The following ANKRD35 variants were observed in gnomAD, a reference collection of about 807,000 sequenced individuals.
ANKRD35 encodes the protein ankyrin repeat domain-containing protein 35.
In ANKRD35, 102 loss-of-function variants were observed where a neutral mutation model predicts 109.9. That is an observed-to-expected ratio of 0.93 (90% confidence interval 0.79 to 1.09). ANKRD35 has a LOEUF of 1.09. Among genes scored for constraint, ANKRD35 ranks in the 50% least tolerant of loss-of-function variants. The pLI is 0.00. For synonymous variants in ANKRD35, 515 were observed against 512.4 expected (o/e 1.01, Z -0.07); for missense variants, 1,240 against 1,230.1 (o/e 1.01, Z -0.12).
Position 145,872,536 on chromosome 1 carries a change from G to C in ANKRD35, c.2233C>G (p.Gln745Glu). The C allele has an allele frequency of 6.2e-7, 1 of 1,606,828 alleles. No individual in the cohort carries two copies. Among genetic ancestry groups the C allele is most frequent in the Non-Finnish European group, 8.5e-7 (1 of 1,176,594 alleles). Residue 745 changes from glutamine (Q) to glutamate (E), a missense_variant, in exon 10 of 14, where the codon CAG (glutamine) becomes GAG (glutamate). By Grantham distance (29) the Gln-to-Glu change is conservative. Coordinates refer to ENST00000355594, the MANE Select transcript of ANKRD35 (RefSeq NM_144698.5). ...TLVDRHREAQ[Q>E]VLARLQEENQ... is the part of the protein sequence containing the mutation. ...TCTTCTTGCAGCCGAGCCAGCACCT[G>C]CTGGGCCTCCCGGTGCCGATCCACC...
At chr1:145,871,625 A>G (rs1653821779) in intron 10 of ANKRD35, among the ~76,000 whole-genome samples, 1 of 152,080 alleles carries the variant, frequency 6.6e-6, no homozygotes, top group Non-Finnish European at 1.5e-5. Flanking sequence ...AACCACAGCA[A>G]CCCATCATGC....
chr1:145,879,330 A>G lies in ANKRD35; in HGVS notation c.98T>C (p.Val33Ala), dbSNP rs893779352. The G allele has an allele frequency of 5.0e-6, 8 of 1,610,788 alleles. No individual in the cohort carries two copies. The highest frequency in any genetic ancestry group is 5.9e-6 in the Non-Finnish European group (7 of 1,178,690). The change falls in exon 2 of 14, where the codon GTG becomes GCG. Residue 33 changes from valine to alanine, a missense_variant. Physicochemically the swap from Val to Ala is moderately conservative, Grantham distance 64. Transcript: ENST00000355594. The part of the protein sequence containing the change: ...KLLEAVHRGD[V>A]GRVAALASRK... Reference sequence around the variant, plus strand: ...GGAGGCCAGGGCAGCCACGCGTCCCACATCCCCCCTGTGCACTGCCTCCAG... The same window carrying G: ...GGAGGCCAGGGCAGCCACGCGTCCCGCATCCCCCCTGTGCACTGCCTCCAG...
rs1654174432 is a variant in ANKRD35, at chr1:145,878,636, G to T, written c.171-157C>A. Reference sequence around the variant, plus strand: ...TAGCTTGAATTTCTGAGAAAGAGAAGTCTATATGGCCTCCAATCACAAAGG... The same window carrying T: ...TAGCTTGAATTTCTGAGAAAGAGAATTCTATATGGCCTCCAATCACAAAGG... On this transcript the variant is annotated intron_variant, in intron 2 of 13. Transcript: ENST00000355594. 2.6e-5 allele frequency among the ~76,000 whole-genome samples: 4 copies of T among 152,222 alleles called. No individual in the cohort carries two copies. In the South Asian group the frequency reaches 8.3e-4, roughly 32 times the overall value.
chr1:145,867,511 T>C (rs1180442719), intron 12 of ANKRD35, 119 bp from the exon 13 acceptor site: 4 of 797,304 alleles, frequency 5.0e-6, no homozygotes, highest in Non-Finnish European at 8.3e-6. Flanking sequence ...CCTTCACTTA[T>C]AGTATTTAAC....
Position 145,872,644 on chromosome 1 carries a change from G to A in ANKRD35, c.2125C>T (p.Pro709Ser), listed in dbSNP as rs1326205203. Residue 709 changes from proline to serine, a missense_variant, in exon 10 of 14, where the codon CCC becomes TCC. Physicochemically the swap from Pro to Ser is moderately conservative, Grantham distance 74 (BLOSUM62 -1). Transcript: ENST00000355594. ...CTCCTCTCGCCCACTAGGTCTGCGG[G>A]CAGGCAGTCCCACAGCCCTCGGAGA... ...SGLRGLWDCLPADLVGERSAQ... is the reference protein window; with the variant it reads ...SGLRGLWDCLSADLVGERSAQ... 3.1e-6 allele frequency: 5 copies of A among 1,613,970 alleles called. No homozygotes were observed. Among genetic ancestry groups the A allele is most frequent in the Admixed American group, 1.7e-5 (1 of 59,992 alleles).
chr1:145,881,283 C>T (rs1553741066), intron 1 of ANKRD35, among the ~76,000 whole-genome samples: 1 of 152,136 alleles, frequency 6.6e-6, no homozygotes, highest in Non-Finnish European at 1.5e-5. Context: ...AAGACTCCAT[C>T]TCAAACAAAC....
intron 8 of ANKRD35, 94 bp downstream of exon 8, chr1:145,874,728 A>G (rs1553739701): frequency 7.2e-7 from 1 of 1,389,010 alleles, no homozygotes; most frequent in East Asian, 2.5e-5. Flanking sequence ...GGTGACAATT[A>G]TTTGTCAGAT....
rs782512764 is a variant in ANKRD35, at chr1:145,876,379, T to G, written c.454-133A>C. 5.3e-6 allele frequency: 6 copies of G among 1,125,594 alleles called. No homozygotes were observed. In the Admixed American group the frequency reaches 8.4e-5, roughly 16 times the overall value. The allele number at this position is 1,125,594 out of a possible 1,614,324, so 69.7% of individuals were successfully genotyped here. ...GATCTTGGGTCTGAACACTCCCTTT[T>G]GGAGGGTTAGAAGCTCTCCAGAAGA... On this transcript the variant is annotated intron_variant, in intron 6 of 13. Transcript: ENST00000355594.
intron 6 of ANKRD35, 65 bp from the exon 7 acceptor site, chr1:145,876,311 G>A (rs1461736016): frequency 1.7e-5 from 25 of 1,484,220 alleles, no homozygotes; most frequent in East Asian, 4.6e-5. Context: ...CAATCCTACC[G>A]GCTCCCCTCC....
intron 10 of ANKRD35, among the ~76,000 whole-genome samples, chr1:145,871,121 T>TTTCTTTCTTTCTTTCTTTC (rs1570794263): frequency 8.9e-6 from 1 of 112,336 alleles, no homozygotes; most frequent in African/African-American, 3.4e-5. Flanking sequence ...TTCAAGCTTT[T>TTTCTTTCTTTCTTTCTTTC]TTTCTTTCTT....
chr1:145,881,114 C>T (rs994059184), intron 1 of ANKRD35, among the ~76,000 whole-genome samples: 1 of 152,086 alleles, frequency 6.6e-6, no homozygotes, highest in Non-Finnish European at 1.5e-5. Flanking sequence ...GGTGAAACCC[C>T]GTCTCTACTA....
chr1:145,874,377 T>G (rs1553739657), intron 8 of ANKRD35, among the ~76,000 whole-genome samples, 185 bp from the exon 9 acceptor site: 1 of 152,194 alleles, frequency 6.6e-6, no homozygotes, highest in Non-Finnish European at 1.5e-5. Context: ...AACTTTGGTT[T>G]CCTATCCCAG....
At chr1:145,877,380 G>A (rs782817902) in intron 4 of ANKRD35, among the ~76,000 whole-genome samples, 2 of 151,814 alleles carry the variant, frequency 1.3e-5, no homozygotes, top group African/African-American at 4.8e-5. Context: ...CTACAGGCAC[G>A]TGCCACCACA....
intron 10 of ANKRD35, among the ~76,000 whole-genome samples, chr1:145,870,146 A>AGTG (rs1653757450): frequency 6.9e-6 from 1 of 145,420 alleles, no homozygotes; most frequent in South Asian, 2.1e-4. Context: ...GCTGGAGTGC[A>AGTG]GTGGCGCGAT....
rs1553738811 is a variant in ANKRD35, at chr1:145,872,150, C to T, written c.2619G>A (p.Ala873=). 6.2e-7 allele frequency: 1 copy of T among 1,609,204 alleles called. No individual in the cohort carries two copies. Among genetic ancestry groups the T allele is most frequent in the Non-Finnish European group, 8.5e-7 (1 of 1,178,046 alleles). ...CGCTCCGGCGGCGCTCCTCGGCCAC[C>T]GCCTCCCGCAGCCGACCCACTTCCC... is the stretch of plus-strand genomic sequence containing the variant. ...ACREVGRLRE[A]VAEERRRSGD... The change falls in exon 10 of 14, where the codon GCG becomes GCA. Residue 873 remains alanine, a synonymous_variant. Coordinates refer to ENST00000355594, the MANE Select transcript of ANKRD35 (RefSeq NM_144698.5).
intron 2 of ANKRD35, among the ~76,000 whole-genome samples, chr1:145,878,969 C>A (rs953863911): frequency 6.6e-6 from 1 of 152,182 alleles, no homozygotes; most frequent in Non-Finnish European, 1.5e-5. Context: ...TGAAGAAACA[C>A]TCTACTTAGT....
At position 145,872,311 on chromosome 1, in the gene ANKRD35, C is replaced by T. The variant is rs587650802; in HGVS notation, c.2458G>A (p.Glu820Lys). 2 of 1,613,266 alleles carry T rather than the reference C, an allele frequency of 1.2e-6. No homozygotes were observed. The highest frequency in any genetic ancestry group is 1.7e-5 in the Admixed American group (1 of 59,884). Residue 820 changes from glutamate (E) to lysine (K), a missense_variant, in exon 10 of 14, where the codon GAA becomes AAA. Coordinates refer to ENST00000355594, the MANE Select transcript of ANKRD35 (RefSeq NM_144698.5). ...TCCCGGGCCCTTAGCTCAGCCACTT[C>T]CTCTGTGGCTTGGTAGAGCAGCTGC... The part of the protein sequence containing the change: ...LKQLLYQATE[E>K]VAELRAREAA...
chr1:145,879,511 C>A, intron 1 of ANKRD35, 123 bp from the exon 2 acceptor site: 1 of 1,157,950 alleles, frequency 8.6e-7, no homozygotes. Context: ...TTCCACAAGT[C>A]ACACATCCTA....
chr1:145,874,210 A>T lies in ANKRD35; in HGVS notation c.746-18T>A, dbSNP rs782399506. ...CCTCTGACCTATAAGAAAAGATATG[A>T]GGAAAATGAGAGAGAAGACAGGTTC... On this transcript the variant is annotated intron_variant, in intron 8 of 13. Coordinates refer to ENST00000355594, the MANE Select transcript of ANKRD35 (RefSeq NM_144698.5). The T allele has an allele frequency of 6.2e-6, 10 of 1,613,422 alleles. No homozygotes were observed. The African/African-American group carries it at 1.2e-4, about 19-fold the overall frequency.
Sources: allele counts gnomAD v4.1 joint callset (sites outside exome capture counted in the v4.1 genomes callset), GRCh38; gene constraint gnomAD v4.1.1; transcripts MANE v1.5; gene names NCBI Gene and HGNC (gene_info 2026-07-23, HGNC 2026-07-21).